Variants in AOC3 observed in about 807,000 individuals in gnomAD.
AOC3 encodes the protein amine oxidase [copper-containing] 3.
Under a neutral mutation model 55.4 loss-of-function variants are expected in AOC3, and 47 were observed. The ratio of observed to expected loss-of-function variants is 0.85; its 90% confidence interval spans 0.67 to 1.08. The LOEUF (loss-of-function observed/expected upper bound fraction) is 1.08, where lower values mean the gene tolerates loss of function less well. AOC3 is among the 50% of genes least tolerant of loss of function. The probability of loss-of-function intolerance (pLI) is 0.00; values close to 1 mark genes in which losing one functional copy is unlikely to be tolerated. For missense variants in AOC3, 853 were observed against 993.1 expected, an observed-to-expected ratio of 0.86 and a Z score of 1.90; for synonymous variants, 386 against 410.7, an observed-to-expected ratio of 0.94 and a Z score of 0.73.
Position 42,851,238 on chromosome 17 carries a change from C to T in AOC3, c.-106C>T. On this transcript the variant is annotated 5_prime_UTR_variant, in exon 1 of 4. Transcript: ENST00000308423. ...GACTACCGGGAACCTCAGCCAGAGT[C>T]CGGGAGCCCCCCACCCCGTCCAGGA... 1 of 1,283,590 alleles carries T rather than the reference C, an allele frequency of 7.8e-7. No individual in the cohort carries two copies. The highest frequency in any genetic ancestry group is 1.4e-5 in the South Asian group (1 of 70,026). The allele number at this position is 1,283,590 out of a possible 1,614,324, so 79.5% of individuals were successfully genotyped here.
chr17:42,851,724 C>G lies in AOC3; in HGVS notation c.381C>G (p.Ile127Met). Reference protein sequence around the residue: ...SPPPAREALAIVFFGRQPQPN... With the variant: ...SPPPAREALAMVFFGRQPQPN... ...CACCTGCCCGGGAGGCACTGGCCAT[C>G]GTCTTCTTTGGCAGGCAACCCCAGC... is the stretch of plus-strand genomic sequence containing the variant. The change falls in exon 1 of 4, where the codon ATC becomes ATG. Residue 127 changes from isoleucine to methionine, a missense_variant. Ile to Met is a conservative substitution (Grantham distance 10, BLOSUM62 1). Transcript: ENST00000308423. 6.2e-7 allele frequency: 1 copy of G among 1,612,184 alleles called. No homozygotes were observed. The highest frequency in any genetic ancestry group is 1.1e-5 in the South Asian group (1 of 91,046).
chr17:42,854,851 CTTT>C (rs34666602), intron 2 of AOC3, 118 bp downstream of exon 2: 6,249 of 719,450 alleles, frequency 8.7e-3, no homozygotes, highest in Middle Eastern at 0.012. Flanking sequence ...TTTTCTTTTC[CTTT>C]TTTTTTTTTT....
chr17:42,853,466 GGATCCCGTGGAGCATTCTGGATA>G, intron 1 of AOC3: 2 of 899,630 alleles, frequency 2.2e-6, no homozygotes, highest in Non-Finnish European at 2.7e-6. Flanking sequence ...GGGGTCACAT[GGATCCCGTGGAGCATTCTGGATA>G]GATCCTGGAG....
At chr17:42,853,912 A>G (rs1044951270) in intron 1 of AOC3, among the ~76,000 whole-genome samples, 2 of 152,208 alleles carry the variant, frequency 1.3e-5, no homozygotes, top group Non-Finnish European at 2.9e-5. Flanking sequence ...ATGTCCCTGG[A>G]CACGCACTTC....
At position 42,854,535 on chromosome 17, in the gene AOC3, A is replaced by T. The variant is rs1415523608; in HGVS notation, c.1688A>T (p.Gln563Leu). 8 of 1,610,626 alleles carry T rather than the reference A, an allele frequency of 5.0e-6. No individual in the cohort carries two copies. In the South Asian group the frequency reaches 8.8e-5, roughly 18 times the overall value. The change falls in exon 2 of 4, where the codon CAG becomes CTG. Residue 563 changes from glutamine (Q) to leucine (L), a missense_variant. By Grantham distance (113) the Gln-to-Leu change is moderately radical. Coordinates refer to ENST00000308423, the MANE Select transcript of AOC3 (RefSeq NM_003734.4). ...WSPEHQLQRL[Q>L]VTRKLLEMEE... ...CCTGAGCACCAGCTGCAGAGGCTGC[A>T]GGTGACCCGGAAGCTGCTGGAGATG...
rs569419438 is a variant in AOC3, at chr17:42,852,987, A to T, written c.1600+44A>T. 107 of 1,579,910 alleles carry T rather than the reference A, an allele frequency of 6.8e-5. 1 individual carries two copies. In the South Asian group the frequency reaches 1.1e-3, roughly 17 times the overall value. ...GAGAAGGCTTCTGGAAGAAGGGCTG[A>T]AAAGTTGTTTCCATTAGCTTTGGGT... On this transcript the variant is annotated intron_variant, in intron 1 of 3. Coordinates refer to ENST00000308423, the MANE Select transcript of AOC3 (RefSeq NM_003734.4).
rs139051163 is a variant in AOC3, at chr17:42,851,981, C to T, written c.638C>T (p.Thr213Met). Reference sequence around the variant, plus strand: ...GGACGGAACCTGGTGACAATGACCACGGCTCCCCGTGGTCTGCAATCAGGG... The same window carrying T: ...GGACGGAACCTGGTGACAATGACCATGGCTCCCCGTGGTCTGCAATCAGGG... ...HRGRNLVTMT[T>M]APRGLQSGDR... The change falls in exon 1 of 4, where the codon ACG (threonine) becomes ATG (methionine). Residue 213 changes from threonine to methionine, a missense_variant. By Grantham distance (81) the Thr-to-Met change is moderately conservative. Coordinates refer to ENST00000308423, the MANE Select transcript of AOC3 (RefSeq NM_003734.4). The T allele has an allele frequency of 3.0e-5, 49 of 1,613,672 alleles. No individual in the cohort carries two copies. The highest frequency in any genetic ancestry group is 2.5e-4 in the African/African-American group (19 of 74,926).
rs909507271 is a variant in AOC3, at chr17:42,857,987, G to T, written c.*1437G>T. Reference sequence around the variant, plus strand: ...CTATTCAGAATAAATGGGTAACACTGATTACTTTTGGGAGGGGAACCAGTA... The same window carrying T: ...CTATTCAGAATAAATGGGTAACACTTATTACTTTTGGGAGGGGAACCAGTA... On this transcript the variant is annotated 3_prime_UTR_variant, in exon 4 of 4. Coordinates refer to ENST00000308423, the MANE Select transcript of AOC3 (RefSeq NM_003734.4). 1.3e-5 allele frequency: 2 copies of T among 152,148 alleles called. No individual in the cohort carries two copies. The highest frequency in any genetic ancestry group is 4.8e-5 in the African/African-American group (2 of 41,396). 9.4% of individuals were successfully genotyped at this position (152,148 alleles called of 1,614,324 possible).
chr17:42,852,907 C>T lies in AOC3; in HGVS notation c.1564C>T (p.His522Tyr), dbSNP rs1181806867. 2 of 1,608,474 alleles carry T rather than the reference C, an allele frequency of 1.2e-6. No homozygotes were observed. Among genetic ancestry groups the T allele is most frequent in the African/African-American group, 2.7e-5 (2 of 74,808 alleles). The change falls in exon 1 of 4, where the codon CAC (histidine) becomes TAC (tyrosine). Residue 522 changes from histidine (H) to tyrosine (Y), a missense_variant. Transcript: ENST00000308423. ...SEHTLGTVHT[H>Y]SAHFKVDLDV... is the part of the protein sequence containing the mutation. ...GCACACCCTGGGCACGGTCCACACC[C>T]ACAGCGCCCACTTCAAGGTGGATCT...
In AOC3 at chr17:42,851,281, C is replaced by G; in HGVS notation, c.-63C>G. On this transcript the variant is annotated 5_prime_UTR_variant, in exon 1 of 4. Transcript: ENST00000308423. ...GTCCAGGAGCCAACAGAGCCCCCGT[C>G]TTGCTGGCGTGAGAATACATTGCTC... is the stretch of plus-strand genomic sequence containing the variant. The G allele has an allele frequency of 3.9e-6, 6 of 1,520,540 alleles. No individual in the cohort carries two copies. The East Asian group carries it at 1.4e-4, about 35-fold the overall frequency. The allele number at this position is 1,520,540 out of a possible 1,614,324, so 94.2% of individuals were successfully genotyped here.
In AOC3 at chr17:42,851,948, A is replaced by C; in HGVS notation, c.605A>C (p.Lys202Thr). 1 of 1,613,734 alleles carries C rather than the reference A, an allele frequency of 6.2e-7. No homozygotes were observed. The highest frequency in any genetic ancestry group is 8.5e-7 in the Non-Finnish European group (1 of 1,179,860). The change falls in exon 1 of 4, where the codon AAG (lysine) becomes ACG (threonine). Residue 202 changes from lysine to threonine, a missense_variant. Lys to Thr is a moderately conservative substitution (Grantham distance 78, BLOSUM62 -1). Coordinates refer to ENST00000308423, the MANE Select transcript of AOC3 (RefSeq NM_003734.4). The stretch of plus-strand genomic sequence containing the variant: ...CTTCTCCACCACTGTTGCTTCTACA[A>C]GCACCGGGGACGGAACCTGGTGACA... The part of the protein sequence containing the change: ...SGLLHHCCFY[K>T]HRGRNLVTMT...
Position 42,856,592 on chromosome 17 carries a change from A to T in AOC3, c.*42A>T. On this transcript the variant is annotated 3_prime_UTR_variant, in exon 4 of 4. Coordinates refer to ENST00000308423, the MANE Select transcript of AOC3 (RefSeq NM_003734.4). ...GCATGTGGCCAAGGGCTCCAGGGCC[A>T]GGGTGTGAGGGATGGGGAGCAGCTG... 4 of 1,352,676 alleles carry T rather than the reference A, an allele frequency of 3.0e-6. No individual in the cohort carries two copies. The highest frequency in any genetic ancestry group is 4.1e-6 in the Non-Finnish European group (4 of 971,084). The allele number at this position is 1,352,676 out of a possible 1,614,324, so 83.8% of individuals were successfully genotyped here.
intron 3 of AOC3, 74 bp from the exon 4 acceptor site, chr17:42,856,201 G>A: frequency 6.4e-7 from 1 of 1,557,310 alleles, no homozygotes; most frequent in Non-Finnish European, 8.7e-7. Context: ...CCTTGGGCTG[G>A]TGAGCTGAAT....
rs371987782 is a variant in AOC3, at chr17:42,855,585, G to C, written c.2016+12G>C. The C allele has an allele frequency of 3.1e-6, 5 of 1,614,142 alleles. No individual in the cohort carries two copies. Among genetic ancestry groups the C allele is most frequent in the Non-Finnish European group, 3.4e-6 (4 of 1,180,014 alleles). On this transcript the variant is annotated intron_variant, in intron 3 of 3. Transcript: ENST00000308423. ...CCATTGCTGGAAAGGTCAGCTGGCC[G>C]GGGTAGAGGGTACAGGATGAGCCTT...
Position 42,856,852 on chromosome 17 carries a change from T to C in AOC3, c.*302T>C. The C allele has an allele frequency of 2.3e-6, 1 of 437,148 alleles. No individual in the cohort carries two copies. The highest frequency in any genetic ancestry group is 3.9e-5 in the Admixed American group (1 of 25,418). 27.1% of individuals were successfully genotyped at this position (437,148 alleles called of 1,614,324 possible). On this transcript the variant is annotated 3_prime_UTR_variant, in exon 4 of 4. Transcript: ENST00000308423. The stretch of plus-strand genomic sequence containing the variant: ...CCCTAGATGGTTCCCTTTGTTGCTG[T>C]CTGGCTTTCCCGAATCTTTTTAGGC...
At position 42,856,649 on chromosome 17, in the gene AOC3, C is replaced by G; in HGVS notation, c.*99C>G. 1 of 1,368,884 alleles carries G rather than the reference C, an allele frequency of 7.3e-7. No homozygotes were observed. The highest frequency in any genetic ancestry group is 1.0e-6 in the Non-Finnish European group (1 of 1,004,506). The allele number at this position is 1,368,884 out of a possible 1,614,324, so 84.8% of individuals were successfully genotyped here. ...GGGCCGGCAGCCTGGTTCCCTCTTTCCTGTGCCAGGACTCTCTTTCTTCCA... is the reference window on the plus strand; with the variant it reads ...GGGCCGGCAGCCTGGTTCCCTCTTTGCTGTGCCAGGACTCTCTTTCTTCCA... On this transcript the variant is annotated 3_prime_UTR_variant, in exon 4 of 4. Coordinates refer to ENST00000308423, the MANE Select transcript of AOC3 (RefSeq NM_003734.4).
At chr17:42,856,162 G>A (rs1286674030) in intron 3 of AOC3, 113 bp from the exon 4 acceptor site, 1 of 1,358,404 alleles carries the variant, frequency 7.4e-7, no homozygotes, top group East Asian at 2.3e-5. Context: ...CTCCTACCCA[G>A]CAGGAAAAAA....
Position 42,852,124 on chromosome 17 carries a change from A to G in AOC3, c.781A>G (p.Ile261Val). 3.1e-6 allele frequency: 5 copies of G among 1,613,878 alleles called. No individual in the cohort carries two copies. The highest frequency in any genetic ancestry group is 4.2e-6 in the Non-Finnish European group (5 of 1,179,854). ...HKALDPARWT[I>V]QKVFYQGRYY... ...GGCCCTTGACCCTGCCCGCTGGACT[A>G]TCCAGAAGGTGTTCTATCAAGGCCG... Residue 261 changes from isoleucine to valine, a missense_variant, in exon 1 of 4, where the codon ATC (isoleucine) becomes GTC (valine). Physicochemically the swap from Ile to Val is conservative, Grantham distance 29 (BLOSUM62 3). Coordinates refer to ENST00000308423, the MANE Select transcript of AOC3 (RefSeq NM_003734.4).
At chr17:42,855,797 C>T (rs2055741335) in intron 3 of AOC3, among the ~76,000 whole-genome samples, 1 of 152,166 alleles carries the variant, frequency 6.6e-6, no homozygotes, top group African/African-American at 2.4e-5. Flanking sequence ...CTCTTAGTTC[C>T]AGTTTCATGG....
Sources: gnomAD v4.1 joint callset for allele counts (sites outside exome capture counted in the v4.1 genomes callset) on GRCh38, gnomAD v4.1.1 for gene constraint, MANE v1.5 for transcripts, NCBI Gene and HGNC (gene_info 2026-07-23, HGNC 2026-07-21) for gene names.